The following SNRK variants were observed in gnomAD, a reference collection of about 807,000 sequenced individuals.
The protein encoded by SNRK is SNF-related serine/threonine-protein kinase.
A neutral mutation model predicts 48.2 loss-of-function variants in SNRK; 3 were observed. The ratio of observed to expected loss-of-function variants is 0.06; its 90% CI spans 0.03 to 0.16. The LOEUF (loss-of-function observed/expected upper bound fraction) is 0.16, where lower values mean the gene tolerates loss of function less well. SNRK is among the 10% of genes least tolerant of loss of function. The pLI, the probability that SNRK is intolerant of heterozygous loss-of-function variation, is 1.00. For missense variants in SNRK, 627 were observed against 976.0 expected (o/e 0.64, Z 4.76); for synonymous variants, 376 against 366.1 (o/e 1.03, Z -0.31).
At chr3:43,331,827 C>T (rs528801282) in intron 3 of SNRK, among the ~76,000 whole-genome samples, 2 of 152,198 alleles carry the variant, frequency 1.3e-5, no homozygotes, top group East Asian at 3.9e-4. Context: ...AGTTTTATTT[C>T]TGGTATATAT....
intron 2 of SNRK, among the ~76,000 whole-genome samples, chr3:43,300,751 A>G (rs2090892220): frequency 6.6e-6 from 1 of 152,228 alleles, no homozygotes; most frequent in African/African-American, 2.4e-5. Context: ...AGTTCAGATG[A>G]CAGGGATAAT....
chr3:43,296,911 T>C (rs1385229023), intron 1 of SNRK, among the ~76,000 whole-genome samples: 2 of 152,222 alleles, frequency 1.3e-5, no homozygotes, highest in Non-Finnish European at 2.9e-5. Context: ...TTGCTTCTGC[T>C]GTCTTCAGTA....
chr3:43,341,295 T>C (rs956862933), intron 5 of SNRK, among the ~76,000 whole-genome samples: 3 of 152,036 alleles, frequency 2.0e-5, no homozygotes, highest in Non-Finnish European at 4.4e-5. Context: ...GGACTACAGG[T>C]GCCTGCAACC....
chr3:43,332,495 G>T lies in SNRK; in HGVS notation c.731+185G>T. Reference sequence around the variant, plus strand: ...TGTTCGGTCGGCGGGGGTGGGGGTGGTTAGCCCCTGAATATGATCTGAAAT... The same window carrying T: ...TGTTCGGTCGGCGGGGGTGGGGGTGTTTAGCCCCTGAATATGATCTGAAAT... On this transcript the variant is annotated intron_variant, in intron 4 of 6. Coordinates refer to ENST00000296088, the MANE Select transcript of SNRK (RefSeq NM_017719.5). The T allele has an allele frequency of 7.8e-6, 2 of 257,274 alleles. 1 individual carries two copies. The allele number at this position is 257,274 out of a possible 1,614,324, so 15.9% of individuals were successfully genotyped here.
At chr3:43,297,474 T>C (rs1031015758) in intron 1 of SNRK, among the ~76,000 whole-genome samples, 1 of 152,174 alleles carries the variant, frequency 6.6e-6, no homozygotes, top group African/African-American at 2.4e-5. Context: ...TTTTATTTTT[T>C]AAAATTGTGT....
In SNRK at chr3:43,321,468, A is replaced by G. The variant is rs1422326000; in HGVS notation, c.590-10701A>G. On this transcript the variant is annotated intron_variant, in intron 3 of 6. Coordinates refer to ENST00000296088, the MANE Select transcript of SNRK (RefSeq NM_017719.5). ...AGCAAATAAAGACTCCTGGTAGATG[A>G]AATGGACTGTCCTAAGTGCATGTAC... Among the ~76,000 whole-genome samples the G allele has an allele frequency of 3.9e-5, 6 of 152,208 alleles. No homozygotes were observed. In the East Asian group the frequency reaches 1.2e-3, roughly 29 times the overall value.
intron 4 of SNRK, among the ~76,000 whole-genome samples, chr3:43,338,144 G>C (rs1298346323): frequency 6.6e-6 from 1 of 152,142 alleles, no homozygotes; most frequent in Non-Finnish European, 1.5e-5. Flanking sequence ...AAGTAGATAT[G>C]ATTATCATTC....
chr3:43,297,894 T>C (rs2090868565), intron 1 of SNRK, among the ~76,000 whole-genome samples: 1 of 152,158 alleles, frequency 6.6e-6, no homozygotes, highest in African/African-American at 2.4e-5. Flanking sequence ...TTTAGGAAAC[T>C]GAACAGCAGT....
intron 1 of SNRK, among the ~76,000 whole-genome samples, chr3:43,294,547 A>G (rs1274653001): frequency 6.6e-6 from 1 of 152,116 alleles, no homozygotes; most frequent in Non-Finnish European, 1.5e-5. Context: ...ATTTTGGAGC[A>G]TTTTGGATTT....
chr3:43,336,795 AG>A (rs2091192948), intron 4 of SNRK, among the ~76,000 whole-genome samples: 1 of 152,030 alleles, frequency 6.6e-6, no homozygotes, highest in South Asian at 2.1e-4. Context: ...TCTGTTGCCC[AG>A]GCCGGAGTGC....
intron 3 of SNRK, among the ~76,000 whole-genome samples, chr3:43,313,320 A>T (rs1490406037): frequency 6.6e-6 from 1 of 152,214 alleles, no homozygotes; most frequent in African/African-American, 2.4e-5. Context: ...CCCAGGTGTT[A>T]TCCTTCAACA....
intron 3 of SNRK, among the ~76,000 whole-genome samples, chr3:43,310,948 T>G (rs1008976194): frequency 6.6e-6 from 1 of 152,192 alleles, no homozygotes; most frequent in Non-Finnish European, 1.5e-5. Context: ...CTTGGGGATG[T>G]TAGTTGTTTG....
At chr3:43,300,607 TG>T (rs1037546388) in intron 2 of SNRK, among the ~76,000 whole-genome samples, 1 of 30,308 alleles carries the variant, frequency 3.3e-5, no homozygotes, top group African/African-American at 3.9e-5. Flanking sequence ...GATAGTTTCC[TG>T]CCCCCCCCCC....
At chr3:43,321,760 C>T (rs1448672567) in intron 3 of SNRK, among the ~76,000 whole-genome samples, 1 of 152,168 alleles carries the variant, frequency 6.6e-6, no homozygotes, top group Non-Finnish European at 1.5e-5. Context: ...TGCTTATGGG[C>T]ACCTCTGGAG....
chr3:43,303,810 A>C lies in SNRK; in HGVS notation c.589+18A>C. 6.5e-7 allele frequency: 1 copy of C among 1,543,168 alleles called. No homozygotes were observed. The highest frequency in any genetic ancestry group is 8.9e-7 in the Non-Finnish European group (1 of 1,123,666). On this transcript the variant is annotated intron_variant, in intron 3 of 6. Transcript: ENST00000296088. The surrounding 1 kb of genome is among the most constrained non-coding windows in gnomAD (Gnocchi z 6.2). ...TGCAGTAGGTAGGTAACCTCGGTCCAGTATTTGGCCATTTGAATTCTGCCA... is the reference window on the plus strand; with the variant it reads ...TGCAGTAGGTAGGTAACCTCGGTCCCGTATTTGGCCATTTGAATTCTGCCA...
chr3:43,323,829 CATT>C (rs1282748083), intron 3 of SNRK, among the ~76,000 whole-genome samples: 4 of 152,136 alleles, frequency 2.6e-5, no homozygotes, highest in Non-Finnish European at 2.9e-5. Context: ...AAACAGTCTG[CATT>C]ATTGAGAAAA....
At chr3:43,337,914 G>C (rs1037740174) in intron 4 of SNRK, among the ~76,000 whole-genome samples, 11 of 151,810 alleles carry the variant, frequency 7.2e-5, no homozygotes, top group Admixed American at 5.9e-4. Flanking sequence ...ATTTGGGTGG[G>C]GACACAAAGC....
rs186060442 is a variant in SNRK at position 43,308,767 on chromosome 3, G to A, written c.589+4975G>A. ...TAACACAGCATCCATTCTGCAGCCC[G>A]TGGATCAAGGAGTAATTTTGACTTC... On this transcript the variant is annotated intron_variant, in intron 3 of 6. Transcript: ENST00000296088. Among the ~76,000 whole-genome samples, 61 of 152,322 alleles carry A rather than the reference G, an allele frequency of 4.0e-4. 1 individual carries two copies. The East Asian group carries it at 8.5e-3, about 21-fold the overall frequency.
At chr3:43,329,846 A>T (rs2091132455) in intron 3 of SNRK, among the ~76,000 whole-genome samples, 1 of 152,228 alleles carries the variant, frequency 6.6e-6, no homozygotes, top group South Asian at 2.1e-4. Flanking sequence ...TCTTTAACAG[A>T]AAAAGAAAGT....
Sources: allele counts gnomAD v4.1 joint callset (sites outside exome capture counted in the v4.1 genomes callset), GRCh38; gene constraint gnomAD v4.1.1; non-coding constraint Gnocchi (gnomAD v3.1); transcripts MANE v1.5; gene names NCBI Gene and HGNC (gene_info 2026-07-23, HGNC 2026-07-21).